The following ZNF117 variants were observed in gnomAD, a reference collection of about 807,000 sequenced individuals.
ZNF117 encodes the protein zinc finger protein 117, also known as Krueppel-related zinc finger protein.
In ZNF117, 37 loss-of-function variants were observed where a neutral mutation model predicts 41.2. That is an observed-to-expected ratio of 0.90 (90% CI 0.69 to 1.18). The LOEUF is 1.18. Ranked by LOEUF, ZNF117 falls within the 50% of genes most tolerant of loss-of-function variation. The probability of loss-of-function intolerance (pLI) is 0.00; values close to 1 mark genes in which losing one functional copy is unlikely to be tolerated. For synonymous variants in ZNF117, 186 were observed against 186.6 expected, an observed-to-expected ratio of 1.00 and a Z score of 0.02; for missense variants, 546 against 557.5, an observed-to-expected ratio of 0.98 and a Z score of 0.21.
chr7:64,972,951 C>T (rs1013660785), downstream of ZNF117: 1 of 152,012 alleles, frequency 6.6e-6, no homozygotes, highest in Non-Finnish European at 1.5e-5. Flanking sequence ...AAAAGGGCAG[C>T]TGTTGCTTAT....
intron 1 of ZNF117, among the ~76,000 whole-genome samples, chr7:64,989,506 G>T (rs1786216779): frequency 1.3e-5 from 1 of 79,440 alleles, no homozygotes; most frequent in Non-Finnish European, 2.4e-5. Flanking sequence ...TATAAAACCT[G>T]AAAATAATCT....
exon 3 of ZNF117, chr7:64,978,970 C>T: frequency 1.2e-6 from 2 of 1,613,454 alleles, no homozygotes; most frequent in Non-Finnish European, 1.7e-6. Flanking sequence ...TGGTTAAAGG[C>T]TTTGCCACAT....
rs145373826 is a variant in ZNF117 at position 64,979,008 on chromosome 7, G to C, written c.563C>G (p.Thr188Ser). ...TTCACATTTGTAGGGTTTCTCTTCA[G>C]TATGAATTCTCTTATGTCTAATAAG... The change falls in exon 3 of 3, where the codon ACT (threonine) becomes AGT (serine). Residue 188 changes from threonine (T) to serine (S), a missense_variant. Transcript: ENST00000620222. 1.7e-3 allele frequency: 2,782 copies of C among 1,613,324 alleles called. 4 individuals are homozygous for C. Among genetic ancestry groups the C allele is most frequent in the Non-Finnish European group, 2.2e-3 (2,585 of 1,179,716 alleles).
chr7:64,980,801 G>A (rs186326611), intron 2 of ZNF117: 1 of 152,578 alleles, frequency 6.6e-6, no homozygotes, highest in African/African-American at 2.4e-5. Context: ...TAGCTGTCAA[G>A]TGAGAATAAT....
exon 1 of ZNF117, chr7:64,991,003 G>A: frequency 2.4e-6 from 1 of 416,232 alleles, no homozygotes; most frequent in Non-Finnish European, 4.2e-6. Flanking sequence ...CTCTTTTCTT[G>A]GCAGGGGTTA....
chr7:64,987,359 T>A (rs1046793411), intron 1 of ZNF117, among the ~76,000 whole-genome samples: 3 of 152,072 alleles, frequency 2.0e-5, no homozygotes, highest in African/African-American at 7.2e-5. Flanking sequence ...AGATCTCAAT[T>A]TAACAATGTA....
chr7:64,981,619 CTAAAGATTT>C (rs1471015454), intron 1 of ZNF117, 137 bp from the exon 3 acceptor site: 1 of 787,388 alleles, frequency 1.3e-6, no homozygotes, highest in Non-Finnish European at 1.9e-6. Context: ...ACAAAAATTT[CTAAAGATTT>C]AGAAAATATT....
At chr7:64,986,853 G>A (rs1458205261), upstream of ZNF117, among the ~76,000 whole-genome samples, 3 of 152,020 alleles carry the variant, frequency 2.0e-5, no homozygotes, top group East Asian at 5.8e-4. Context: ...AATTTTGGGA[G>A]ACTACAACAC....
chr7:64,983,661 T>A (rs1194918654), upstream of ZNF117, among the ~76,000 whole-genome samples: 3 of 152,174 alleles, frequency 2.0e-5, no homozygotes, highest in Non-Finnish European at 4.4e-5. Context: ...AAATTACACC[T>A]GCATGCTGAG....
chr7:64,980,973 AC>A (rs1786009752), intron 2 of ZNF117: 1 of 55,146 alleles, frequency 1.8e-5, no homozygotes, highest in African/African-American at 8.7e-5. Flanking sequence ...ATAAACAACA[AC>A]AAAAAAACCA....
At chr7:64,989,339 T>C (rs895728259) in intron 1 of ZNF117, among the ~76,000 whole-genome samples, 1 of 150,476 alleles carries the variant, frequency 6.6e-6, no homozygotes, top group African/African-American at 2.4e-5. Context: ...GAGGTTGGAA[T>C]AACTAGCTAG....
chr7:64,984,495 G>A (rs985157793), upstream of ZNF117, among the ~76,000 whole-genome samples: 3 of 152,112 alleles, frequency 2.0e-5, no homozygotes, highest in African/African-American at 7.2e-5. Flanking sequence ...TATGGTTTTT[G>A]GGTGGCCAAA....
chr7:64,988,831 A>C (rs564332768), intron 1 of ZNF117, among the ~76,000 whole-genome samples: 139 of 152,258 alleles, frequency 9.1e-4, no homozygotes, highest in Non-Finnish European at 1.8e-3. Flanking sequence ...TCAAAAACAC[A>C]ATCCCCTTCA....
At chr7:64,985,091 C>T (rs6460215), upstream of ZNF117, among the ~76,000 whole-genome samples, 136,665 of 152,244 alleles carry the variant, frequency 0.9, 61,861 homozygotes, top group South Asian at 0.97. Context: ...CACGCCCGGC[C>T]GAATATAACA....
upstream of ZNF117, among the ~76,000 whole-genome samples, chr7:64,984,958 T>C (rs1266981451): frequency 6.6e-6 from 1 of 150,968 alleles, no homozygotes; most frequent in African/African-American, 2.4e-5. Flanking sequence ...GCCCGGCTAA[T>C]TTTTGTATTT....
exon 2 of ZNF117, chr7:64,981,394 T>C (rs1786029577): frequency 6.2e-7 from 1 of 1,613,150 alleles, no homozygotes; most frequent in Non-Finnish European, 8.5e-7. Flanking sequence ...TACCTAAATG[T>C]TTAGCTACCA....
In ZNF117 at chr7:64,979,357, A is replaced by G. The variant is rs1785974118; in HGVS notation, c.214T>C (p.Cys72Arg). ...ATTTTGCTCAAGGTAGTTTTCAAACATTGGTTAAGTCCACTATAATCTCCT... is the reference window on the plus strand; with the variant it reads ...ATTTTGCTCAAGGTAGTTTTCAAACGTTGGTTAAGTCCACTATAATCTCCT... The change falls in exon 3 of 3, where the codon TGT becomes CGT. Residue 72 changes from cysteine to arginine, a missense_variant. Physicochemically the swap from Cys to Arg is radical, Grantham distance 180. Coordinates refer to ENST00000620222, the Ensembl canonical transcript of ZNF117. 1.9e-6 allele frequency: 3 copies of G among 1,597,728 alleles called. No individual in the cohort carries two copies. Among genetic ancestry groups the G allele is most frequent in the Non-Finnish European group, 2.6e-6 (3 of 1,172,926 alleles).
exon 3 of ZNF117, chr7:64,978,828 C>A: frequency 6.2e-7 from 1 of 1,613,256 alleles, no homozygotes; most frequent in Non-Finnish European, 8.5e-7. Flanking sequence ...ACATTCATAA[C>A]GTTTCTCTCC....
chr7:64,977,095 T>C (rs2129118168), exon 3 of ZNF117: 1 of 520,998 alleles, frequency 1.9e-6, no homozygotes, highest in East Asian at 5.6e-5. Context: ...ATATTATGTA[T>C]AGCAAGGTGT....
Sources: allele counts gnomAD v4.1 joint callset (sites outside exome capture counted in the v4.1 genomes callset), GRCh38; gene constraint gnomAD v4.1.1; transcripts MANE v1.5; gene names NCBI Gene and HGNC (gene_info 2026-07-23, HGNC 2026-07-21).